Variants in MACROD1 observed in about 807,000 individuals in gnomAD.
The protein encoded by MACROD1 is ADP-ribose glycohydrolase MACROD1.
In MACROD1, 31 loss-of-function variants were observed where a neutral mutation model predicts 41.4. The observed-to-expected ratio is 0.75, with a 90% CI of 0.56 to 1.01. The LOEUF (loss-of-function observed/expected upper bound fraction) is 1.01, where lower values mean the gene tolerates loss of function less well. Ranked by LOEUF, MACROD1 falls within the 50% of genes least tolerant of loss-of-function variation. MACROD1 has a pLI of 0.00. For synonymous variants in MACROD1, 252 were observed against 203.4 expected (o/e 1.24, Z -2.03); for missense variants, 473 against 460.0 (o/e 1.03, Z -0.26).
At position 64,003,921 on chromosome 11, in the gene MACROD1, G is replaced by C. The variant is rs190031685; in HGVS notation, c.548-3578C>G. Among the ~76,000 whole-genome samples the C allele has an allele frequency of 6.8e-3, 1,036 of 152,334 alleles. 6 individuals are homozygous for C. The highest frequency in any genetic ancestry group is 0.011 in the Non-Finnish European group (756 of 68,030). Reference sequence around the variant, plus strand: ...TTCTGAGGCCACTGTCTTTCTGGACGGTTTGGCTGCCCCCAGCGCTGACGG... The same window carrying C: ...TTCTGAGGCCACTGTCTTTCTGGACCGTTTGGCTGCCCCCAGCGCTGACGG... On this transcript the variant is annotated intron_variant, in intron 4 of 10. Coordinates refer to ENST00000255681, the MANE Select transcript of MACROD1 (RefSeq NM_014067.4).
At chr11:64,143,801 C>CACACACACA (rs762084927) in intron 3 of MACROD1, among the ~76,000 whole-genome samples, 1 of 144,854 alleles carries the variant, frequency 6.9e-6, no homozygotes, top group Admixed American at 6.9e-5. Context: ...CACACACACA[C>CACACACACA]AATTTCCTGG....
At chr11:64,013,521 C>T (rs1264312131) in intron 4 of MACROD1, among the ~76,000 whole-genome samples, 1 of 152,154 alleles carries the variant, frequency 6.6e-6, no homozygotes, top group African/African-American at 2.4e-5. Flanking sequence ...GGTGGCAGTG[C>T]GGAGGTGACT....
intron 3 of MACROD1, among the ~76,000 whole-genome samples, chr11:64,049,653 G>A (rs1276710467): frequency 6.6e-6 from 1 of 152,218 alleles, no homozygotes; most frequent in Non-Finnish European, 1.5e-5. Flanking sequence ...GCTGAAGGGG[G>A]TGGACGCTGG....
At chr11:64,117,526 G>A (rs777231927) in intron 3 of MACROD1, 31 of 1,603,770 alleles carry the variant, frequency 1.9e-5, no homozygotes, top group East Asian at 1.3e-4. Flanking sequence ...CCAGGGCTGC[G>A]CCTCCCCGAC....
chr11:64,011,008 G>A (rs1044577102), intron 4 of MACROD1, among the ~76,000 whole-genome samples: 2 of 149,562 alleles, frequency 1.3e-5, no homozygotes, highest in Non-Finnish European at 3.0e-5. Context: ...ATGTTGGCTG[G>A]TGTGTTGGTT....
chr11:64,127,975 T>G (rs1395169916), intron 3 of MACROD1, among the ~76,000 whole-genome samples: 2 of 152,202 alleles, frequency 1.3e-5, no homozygotes, highest in Non-Finnish European at 2.9e-5. Flanking sequence ...ACTCATTACT[T>G]CTGCCTGAGA....
At chr11:64,143,601 C>T (rs1945444202) in intron 3 of MACROD1, among the ~76,000 whole-genome samples, 2 of 152,078 alleles carry the variant, frequency 1.3e-5, no homozygotes, top group African/African-American at 4.8e-5. Flanking sequence ...TTTACAACGA[C>T]CCCTCCCCGC....
At chr11:64,034,988 C>T (rs1054940748) in intron 3 of MACROD1, among the ~76,000 whole-genome samples, 1 of 152,206 alleles carries the variant, frequency 6.6e-6, no homozygotes, top group Non-Finnish European at 1.5e-5. Flanking sequence ...TCACCCCACC[C>T]GGATGCCACC....
chr11:64,068,649 G>A (rs1944049408), intron 3 of MACROD1, among the ~76,000 whole-genome samples: 1 of 152,232 alleles, frequency 6.6e-6, no homozygotes, highest in African/African-American at 2.4e-5. Flanking sequence ...AGGGGCTTTT[G>A]TCTCTACCCC....
chr11:64,163,413 C>T (rs1247826186), intron 1 of MACROD1, among the ~76,000 whole-genome samples: 8 of 152,216 alleles, frequency 5.3e-5, no homozygotes, highest in Non-Finnish European at 1.2e-4. Flanking sequence ...CTCCCTGACT[C>T]GATTCTGACC....
intron 4 of MACROD1, chr11:64,001,152 C>T: frequency 8.5e-6 from 4 of 471,770 alleles, no homozygotes; most frequent in Non-Finnish European, 1.5e-5. Context: ...AGGAAACGCT[C>T]CAGCAGCCCA....
rs1180388869 is a variant in MACROD1, at chr11:63,998,566, C to G, written c.*152G>C. ...GCTCAGACAGTAGGAGCTGCCACAA[C>G]GAGATCTTTATTAGGCTCCTCGGGG... On this transcript the variant is annotated 3_prime_UTR_variant, in exon 11 of 11. Coordinates refer to ENST00000255681, the MANE Select transcript of MACROD1 (RefSeq NM_014067.4). 5.9e-6 allele frequency: 7 copies of G among 1,188,944 alleles called. No homozygotes were observed. The highest frequency in any genetic ancestry group is 3.2e-5 in the African/African-American group (2 of 63,132). The allele number at this position is 1,188,944 out of a possible 1,614,324, so 73.6% of individuals were successfully genotyped here. A position where few individuals can be genotyped will look rare whatever the true frequency, so the allele number is the denominator to read the frequency against.
At chr11:64,155,168 G>A (rs762554600) in intron 1 of MACROD1, among the ~76,000 whole-genome samples, 1 of 152,250 alleles carries the variant, frequency 6.6e-6, no homozygotes, top group Non-Finnish European at 1.5e-5. Context: ...ACCAAAGGTT[G>A]AGGGCGAGTT....
At chr11:64,070,126 A>G (rs1944079417) in intron 3 of MACROD1, among the ~76,000 whole-genome samples, 1 of 152,068 alleles carries the variant, frequency 6.6e-6, no homozygotes, top group Non-Finnish European at 1.5e-5. Flanking sequence ...TACCCCTTAC[A>G]TAGATGTGGA....
At chr11:64,011,146 G>A (rs531092194) in intron 4 of MACROD1, among the ~76,000 whole-genome samples, 1 of 148,272 alleles carries the variant, frequency 6.7e-6, no homozygotes, top group Non-Finnish European at 1.5e-5. Flanking sequence ...GCACGAGTTG[G>A]TTGGGGTGTT....
At chr11:64,145,581 G>C (rs1945484188) in intron 3 of MACROD1, among the ~76,000 whole-genome samples, 1 of 152,202 alleles carries the variant, frequency 6.6e-6, no homozygotes, top group African/African-American at 2.4e-5. Flanking sequence ...CAGCAGGGGT[G>C]CTGGGACCCT....
At chr11:64,153,654 C>T (rs1742234621) in intron 1 of MACROD1, among the ~76,000 whole-genome samples, 1 of 152,098 alleles carries the variant, frequency 6.6e-6, no homozygotes, top group Admixed American at 6.5e-5. Context: ...TGCAAGGGGC[C>T]CAGTCCAGAG....
chr11:64,006,882 A>G (rs1942921661), intron 4 of MACROD1, among the ~76,000 whole-genome samples: 1 of 152,130 alleles, frequency 6.6e-6, no homozygotes, highest in South Asian at 2.1e-4. Flanking sequence ...TTCTTCAGGG[A>G]GAGGTTCAAA....
chr11:64,052,008 T>C (rs1943704308), intron 3 of MACROD1, among the ~76,000 whole-genome samples: 1 of 150,946 alleles, frequency 6.6e-6, no homozygotes, highest in Non-Finnish European at 1.5e-5. Context: ...AGGCGAGAGC[T>C]GGGGGCTTGC....
Sources: gnomAD v4.1 joint callset for allele counts (sites outside exome capture counted in the v4.1 genomes callset) on GRCh38, gnomAD v4.1.1 for gene constraint, MANE v1.5 for transcripts, NCBI Gene and HGNC (gene_info 2026-07-23, HGNC 2026-07-21) for gene names.